The following TFCP2L1 variants were observed in gnomAD, a reference collection of about 807,000 sequenced individuals.
TFCP2L1 encodes the protein transcription factor CP2 like 1, also known as transcription factor CP2-like protein 1.
TFCP2L1 carries 12 observed loss-of-function variants against 72.2 expected under a neutral mutation model. That is an observed-to-expected ratio of 0.17 (90% CI 0.11 to 0.27). TFCP2L1 has a LOEUF of 0.27. Among genes scored for constraint, TFCP2L1 ranks in the 10% least tolerant of loss-of-function variants. The pLI, the probability that TFCP2L1 is intolerant of heterozygous loss-of-function variation, is 1.00. For synonymous variants in TFCP2L1, 260 were observed against 251.0 expected (o/e 1.04, Z -0.34); for missense variants, 488 against 624.6 (o/e 0.78, Z 2.33).
At chr2:121,280,781 AAAAGAAAG>A (rs1160810520) in intron 2 of TFCP2L1, among the ~76,000 whole-genome samples, 2 of 150,378 alleles carry the variant, frequency 1.3e-5, no homozygotes, top group Non-Finnish European at 3.0e-5. Context: ...AAAAAAAAAA[AAAAGAAAG>A]AAAGAAAGAA....
At chr2:121,267,450 A>G (rs573786084) in intron 2 of TFCP2L1, among the ~76,000 whole-genome samples, 9 of 152,360 alleles carry the variant, frequency 5.9e-5, no homozygotes, top group African/African-American at 1.9e-4. Flanking sequence ...TACTTAAAAC[A>G]TAATTAAAGT....
intron 13 of TFCP2L1, among the ~76,000 whole-genome samples, chr2:121,226,715 C>T (rs767461456): frequency 6.6e-6 from 1 of 152,124 alleles, no homozygotes; most frequent in Non-Finnish European, 1.5e-5. Context: ...GTCTCCATGG[C>T]CCTATCTGTA....
intron 2 of TFCP2L1, among the ~76,000 whole-genome samples, chr2:121,273,928 A>G (rs1687094550): frequency 6.6e-6 from 1 of 152,018 alleles, no homozygotes; most frequent in Admixed American, 6.6e-5. Flanking sequence ...CCCGGTCTCT[A>G]TTTAAAAATA....
chr2:121,229,032 G>A (rs1304336990), intron 13 of TFCP2L1, among the ~76,000 whole-genome samples: 1 of 152,032 alleles, frequency 6.6e-6, no homozygotes, highest in African/African-American at 2.4e-5. Flanking sequence ...CAATTCTCCT[G>A]GCTCAGCCTC....
chr2:121,227,276 G>A (rs1305625133), intron 13 of TFCP2L1, among the ~76,000 whole-genome samples: 1 of 152,226 alleles, frequency 6.6e-6, no homozygotes, highest in Non-Finnish European at 1.5e-5. Context: ...CTGGTAACCT[G>A]AGTGCAGGTA....
At chr2:121,225,224 C>T (rs1686003995) in intron 14 of TFCP2L1, among the ~76,000 whole-genome samples, 1 of 152,164 alleles carries the variant, frequency 6.6e-6, no homozygotes, top group African/African-American at 2.4e-5. Context: ...GGTGGGCCCC[C>T]TCATCCCCCA....
At chr2:121,236,160 G>T (rs927270061) in intron 10 of TFCP2L1, among the ~76,000 whole-genome samples, 1 of 152,172 alleles carries the variant, frequency 6.6e-6, no homozygotes, top group Non-Finnish European at 1.5e-5. Flanking sequence ...TATGTGGATG[G>T]GCGCTGGGGG....
At chr2:121,247,043 C>T (rs891026283) in intron 5 of TFCP2L1, 73 bp from the exon 6 acceptor site, 4 of 1,570,188 alleles carry the variant, frequency 2.5e-6, no homozygotes, top group Non-Finnish European at 3.5e-6. Context: ...CAAGCGCCCC[C>T]TCTATTGGAG....
chr2:121,261,994 C>T (rs1288847165), intron 2 of TFCP2L1, among the ~76,000 whole-genome samples: 1 of 152,112 alleles, frequency 6.6e-6, no homozygotes, highest in Non-Finnish European at 1.5e-5. Context: ...AAACATCAAG[C>T]AGACTCAAAT....
chr2:121,247,178 AC>A (rs1408419778), intron 5 of TFCP2L1, among the ~76,000 whole-genome samples: 1 of 151,838 alleles, frequency 6.6e-6, no homozygotes, highest in Non-Finnish European at 1.5e-5. Context: ...ACACACCCCC[AC>A]CTTTGTCTCT....
Position 121,237,843 on chromosome 2 carries a change from A to G in TFCP2L1, c.868T>C (p.Ser290Pro). 1 of 1,614,010 alleles carries G rather than the reference A, an allele frequency of 6.2e-7. No homozygotes were observed. The highest frequency in any genetic ancestry group is 1.1e-5 in the South Asian group (1 of 91,072). The change falls in exon 9 of 15, where the codon TCT becomes CCT. Residue 290 changes from serine (S) to proline (P), a missense_variant. Ser to Pro is a moderately conservative substitution (Grantham distance 74). Coordinates refer to ENST00000263707, the MANE Select transcript of TFCP2L1 (RefSeq NM_014553.3). ...NSFGLGEGNA[S>P]PTHPVEALPV... ...AGGGCCTCCACCGGGTGGGTCGGAG[A>G]GGCGTTGCTGCAAGGAAAAGGAACC...
chr2:121,252,444 T>C (rs1405467856), intron 2 of TFCP2L1, among the ~76,000 whole-genome samples: 2 of 152,092 alleles, frequency 1.3e-5, no homozygotes, highest in Non-Finnish European at 2.9e-5. Context: ...CACATCCTAA[T>C]CCCCGGAACC....
At chr2:121,246,171 C>CT (rs1026269989) in intron 6 of TFCP2L1, among the ~76,000 whole-genome samples, 1 of 152,218 alleles carries the variant, frequency 6.6e-6, no homozygotes, top group African/African-American at 2.4e-5. Flanking sequence ...ATGATGCAAG[C>CT]TCATGCAACC....
chr2:121,257,242 C>T lies in TFCP2L1; in HGVS notation c.215-7595G>A, dbSNP rs76368833. ...GTGACAGGCTCCACTCACCACCCAC[C>T]CCCACCTCAGGCTGAGCTGAGGCCC... On this transcript the variant is annotated intron_variant, in intron 2 of 14. Transcript: ENST00000263707. Among the ~76,000 whole-genome samples, 1,135 of 152,202 alleles carry T rather than the reference C, an allele frequency of 7.5e-3. 24 individuals are homozygous for T. The highest frequency in any genetic ancestry group is 0.026 in the African/African-American group (1,071 of 41,532).
chr2:121,241,786 C>T (rs1358714403), intron 7 of TFCP2L1, among the ~76,000 whole-genome samples: 1 of 152,148 alleles, frequency 6.6e-6, no homozygotes, highest in Non-Finnish European at 1.5e-5. Flanking sequence ...CAGGCCATCA[C>T]ACATGATGCC....
At chr2:121,260,479 C>T (rs1444642340) in intron 2 of TFCP2L1, among the ~76,000 whole-genome samples, 2 of 152,188 alleles carry the variant, frequency 1.3e-5, no homozygotes, top group Admixed American at 6.5e-5. Flanking sequence ...TAACAGGTAT[C>T]GTATGCGCCC....
intron 13 of TFCP2L1, among the ~76,000 whole-genome samples, chr2:121,229,820 A>C (rs1686103697): frequency 6.6e-6 from 1 of 152,202 alleles, no homozygotes; most frequent in South Asian, 2.1e-4. Context: ...AGCAACTAGG[A>C]GGTAGTTTCA....
rs1037001356 is a variant in TFCP2L1 at position 121,221,852 on chromosome 2, T to C, written c.*2489A>G. On this transcript the variant is annotated 3_prime_UTR_variant, in exon 15 of 15. Coordinates refer to ENST00000263707, the MANE Select transcript of TFCP2L1 (RefSeq NM_014553.3). ...GGGGAGAACATTTTTACCAGTCATATACCTGATAAAAGACTGGCGTCTAGA... is the reference window on the plus strand; with the variant it reads ...GGGGAGAACATTTTTACCAGTCATACACCTGATAAAAGACTGGCGTCTAGA... 3 of 152,156 alleles carry C rather than the reference T, an allele frequency of 2.0e-5. No homozygotes were observed. The highest frequency in any genetic ancestry group is 7.2e-5 in the African/African-American group (3 of 41,448). The allele number at this position is 152,156 out of a possible 1,614,324, so 9.4% of individuals were successfully genotyped here. A position where few individuals can be genotyped will look rare whatever the true frequency, so the allele number is the denominator to read the frequency against.
intron 2 of TFCP2L1, among the ~76,000 whole-genome samples, chr2:121,250,346 T>TTA (rs71829928): frequency 0.3 from 41,827 of 141,774 alleles, 6,020 homozygotes; most frequent in South Asian, 0.41. Flanking sequence ...CAGAAGACTG[T>TTA]TATATATATA....
Sources: gnomAD v4.1 joint callset for allele counts (sites outside exome capture counted in the v4.1 genomes callset) on GRCh38, gnomAD v4.1.1 for gene constraint, MANE v1.5 for transcripts, NCBI Gene and HGNC (gene_info 2026-07-23, HGNC 2026-07-21) for gene names.